Variants in RBFOX1 observed in about 807,000 individuals in gnomAD.
RBFOX1 encodes RNA binding fox-1 homolog 1.
A neutral mutation model predicts 57.7 loss-of-function variants in RBFOX1; 8 were observed. The ratio of observed to expected loss-of-function variants is 0.14; its 90% CI spans 0.08 to 0.25. RBFOX1 has a LOEUF of 0.25. RBFOX1 is among the 10% of genes least tolerant of loss of function. The pLI is 1.00. For missense variants in RBFOX1, 611 were observed against 548.5 expected (o/e 1.11, Z -1.14); for synonymous variants, 326 against 222.4 (o/e 1.47, Z -4.15).
chr16:7,703,928 C>T (rs965396220), intron 14 of RBFOX1, among the ~76,000 whole-genome samples: 1 of 152,172 alleles, frequency 6.6e-6, no homozygotes, highest in Non-Finnish European at 1.5e-5. Flanking sequence ...GACCAAAAGT[C>T]TGGGCAAGGA....
intron 3 of RBFOX1, among the ~76,000 whole-genome samples, chr16:6,995,710 A>G (rs2092149231): frequency 6.6e-6 from 1 of 151,704 alleles, no homozygotes; most frequent in Non-Finnish European, 1.5e-5. Context: ...GCAGTGAGCC[A>G]AGATCATGCC....
At chr16:6,049,249 A>G (rs2095527380) in intron 1 of RBFOX1, among the ~76,000 whole-genome samples, 1 of 151,672 alleles carries the variant, frequency 6.6e-6, no homozygotes, top group Non-Finnish European at 1.5e-5. Flanking sequence ...TTTTTAGTAG[A>G]GATGGGGTTT....
chr16:6,643,080 G>A (rs1022882533), intron 2 of RBFOX1, among the ~76,000 whole-genome samples: 4 of 151,990 alleles, frequency 2.6e-5, no homozygotes, highest in Admixed American at 1.3e-4. Context: ...ACATATTAAT[G>A]AAATGTCTCC....
chr16:5,478,544 AT>A (rs1241257971), intron 2 of RBFOX1, among the ~76,000 whole-genome samples: 1 of 152,158 alleles, frequency 6.6e-6, no homozygotes, highest in African/African-American at 2.4e-5. Context: ...ATACAAGGTA[AT>A]TCTCATTGGC....
At chr16:7,574,153 G>C (rs569989497) in intron 5 of RBFOX1, among the ~76,000 whole-genome samples, 6 of 152,248 alleles carry the variant, frequency 3.9e-5, no homozygotes, top group African/African-American at 1.4e-4. Flanking sequence ...CTTGAGTGTT[G>C]ATGGCCTTTC....
intron 3 of RBFOX1, among the ~76,000 whole-genome samples, chr16:6,666,908 T>C (rs1484891571): frequency 6.6e-6 from 1 of 152,154 alleles, no homozygotes; most frequent in Non-Finnish European, 1.5e-5. Flanking sequence ...ACCATCAAAA[T>C]GCTCACGGTT....
chr16:7,138,895 G>C (rs1343663996), intron 4 of RBFOX1, among the ~76,000 whole-genome samples: 1 of 152,030 alleles, frequency 6.6e-6, no homozygotes, highest in Admixed American at 6.5e-5. Context: ...TGCAAGCTCC[G>C]CCTCCCGGGT....
chr16:5,648,558 A>C (rs966821138), intron 3 of RBFOX1, among the ~76,000 whole-genome samples: 7 of 152,160 alleles, frequency 4.6e-5, no homozygotes, highest in Admixed American at 4.6e-4. Flanking sequence ...GGCGGAGACC[A>C]GGGATGCTGC....
chr16:7,376,225 T>A (rs936619216), intron 4 of RBFOX1, among the ~76,000 whole-genome samples: 2 of 152,256 alleles, frequency 1.3e-5, no homozygotes, highest in Non-Finnish European at 2.9e-5. Flanking sequence ...AAAGCTGTTT[T>A]AGATGAAATT....
intron 3 of RBFOX1, among the ~76,000 whole-genome samples, chr16:5,738,737 A>T (rs1394893360): frequency 6.6e-6 from 1 of 151,414 alleles, no homozygotes; most frequent in African/African-American, 2.4e-5. Context: ...TTGAATTGGG[A>T]GCTGGAGTGG....
At chr16:7,029,967 C>T (rs561396729) in intron 3 of RBFOX1, among the ~76,000 whole-genome samples, 12 of 152,264 alleles carry the variant, frequency 7.9e-5, no homozygotes, top group African/African-American at 2.6e-4. Flanking sequence ...TGAATTCCAG[C>T]AAGACAGTCA....
chr16:6,915,562 T>C (rs372345789), intron 3 of RBFOX1, among the ~76,000 whole-genome samples: 24,952 of 149,888 alleles, frequency 0.17, 2,256 homozygotes, highest in Non-Finnish European at 0.2. Context: ...TTTTTTTTTT[T>C]TTTTTTGACA....
chr16:5,638,865 C>G (rs766558926), intron 3 of RBFOX1, among the ~76,000 whole-genome samples: 1 of 152,114 alleles, frequency 6.6e-6, no homozygotes, highest in African/African-American at 2.4e-5. Context: ...ACTTGTGGTT[C>G]CTCTGTGTGA....
At chr16:6,976,767 G>A (rs142551170) in intron 3 of RBFOX1, among the ~76,000 whole-genome samples, 204 of 124,914 alleles carry the variant, frequency 1.6e-3, no homozygotes, top group African/African-American at 4.4e-3. Context: ...CATATATATC[G>A]TATGACATAT....
At chr16:6,253,064 C>A (rs2097633144) in intron 1 of RBFOX1, among the ~76,000 whole-genome samples, 1 of 152,106 alleles carries the variant, frequency 6.6e-6, no homozygotes, top group Non-Finnish European at 1.5e-5. Flanking sequence ...AGGGACATAA[C>A]CCTGCCATCT....
intron 2 of RBFOX1, among the ~76,000 whole-genome samples, chr16:6,351,949 A>G (rs2086480552): frequency 6.6e-6 from 1 of 152,192 alleles, no homozygotes; most frequent in African/African-American, 2.4e-5. Context: ...ACTGGTATAA[A>G]TGCACAGAAT....
rs1455644831 is a variant in RBFOX1 at position 6,019,334 on chromosome 16, G to C, written c.-785G>C. The C allele has an allele frequency of 2.0e-6, 2 of 985,556 alleles. No individual in the cohort carries two copies. Among genetic ancestry groups the C allele is most frequent in the African/African-American group, 3.5e-5 (2 of 57,178 alleles). 61.1% of individuals were successfully genotyped at this position (985,556 alleles called of 1,614,324 possible). ...CAGTCCCCGTGCGAGCCGCGCTGCC[G>C]CCGCCTCCTCCAGCCAGAGTCGGTG... On this transcript the variant is annotated 5_prime_UTR_variant, in exon 1 of 16. Transcript: ENST00000550418. The surrounding 1 kb of genome is among the most constrained non-coding windows in gnomAD (Gnocchi z 4.2).
intron 4 of RBFOX1, among the ~76,000 whole-genome samples, chr16:7,460,171 G>T (rs994324871): frequency 9.2e-5 from 14 of 151,500 alleles, no homozygotes; most frequent in African/African-American, 3.2e-4. Context: ...CTCTTAGGCT[G>T]TCATTCCTCC....
At chr16:6,666,970 G>T (rs1376491917) in intron 3 of RBFOX1, among the ~76,000 whole-genome samples, 1 of 152,142 alleles carries the variant, frequency 6.6e-6, no homozygotes, top group Non-Finnish European at 1.5e-5. Flanking sequence ...TTGTAGGCAA[G>T]GGCTTCTGAC....
Sources: gnomAD v4.1 joint callset for allele counts (sites outside exome capture counted in the v4.1 genomes callset) on GRCh38, gnomAD v4.1.1 for gene constraint, Gnocchi (gnomAD v3.1) non-coding constraint, MANE v1.5 for transcripts, NCBI Gene and HGNC (gene_info 2026-07-23, HGNC 2026-07-21) for gene names.